GALNTL6: variants seen among roughly 807,000 people sequenced by gnomAD.
GALNTL6 encodes the protein polypeptide N-acetylgalactosaminyltransferase-like 6.
A neutral mutation model predicts 73.7 loss-of-function variants in GALNTL6; 46 were observed. The ratio of observed to expected loss-of-function variants is 0.62; its 90% confidence interval spans 0.49 to 0.80. The LOEUF is 0.80. GALNTL6 is among the 30% of genes least tolerant of loss of function. The pLI is 0.00. For missense variants in GALNTL6, 604 were observed against 755.0 expected, an observed-to-expected ratio of 0.80 and a Z score of 2.34; for synonymous variants, 259 against 263.7, an observed-to-expected ratio of 0.98 and a Z score of 0.17.
At chr4:172,163,597 G>T (rs185971869) in intron 2 of GALNTL6, among the ~76,000 whole-genome samples, 100 of 152,044 alleles carry the variant, frequency 6.6e-4, no homozygotes, top group Non-Finnish European at 1.2e-3. Flanking sequence ...TTGCATATTA[G>T]TTGCTTGTAT....
chr4:172,194,421 G>A (rs550136300), intron 2 of GALNTL6, among the ~76,000 whole-genome samples: 1 of 152,200 alleles, frequency 6.6e-6, no homozygotes, highest in South Asian at 2.1e-4. Flanking sequence ...TAGCATAACA[G>A]GACAACATTC....
intron 5 of GALNTL6, chr4:172,668,518 C>T (rs1731793408): frequency 1.3e-5 from 2 of 151,974 alleles, no homozygotes; most frequent in South Asian, 4.2e-4. Flanking sequence ...AATCACAGTC[C>T]TTTCATAATT....
At position 172,813,524 on chromosome 4, in the gene GALNTL6, T is replaced by C. The variant is rs1236935176; in HGVS notation, c.740-16T>C. The stretch of plus-strand genomic sequence containing the variant: ...GGCAGGCATGTCATTTCCTATTTTG[T>C]GCTTTCATTTTTCAGACCAAATTGC... On this transcript the variant is annotated splice_polypyrimidine_tract_variant and intron_variant, in intron 6 of 12. Coordinates refer to ENST00000506823, the MANE Select transcript of GALNTL6 (RefSeq NM_001034845.3). 1 of 1,583,380 alleles carries C rather than the reference T, an allele frequency of 6.3e-7. No individual in the cohort carries two copies. Among genetic ancestry groups the C allele is most frequent in the Non-Finnish European group, 8.6e-7 (1 of 1,156,400 alleles).
intron 5 of GALNTL6, among the ~76,000 whole-genome samples, chr4:172,544,158 G>C (rs565458416): frequency 6.6e-6 from 1 of 152,124 alleles, no homozygotes; most frequent in African/African-American, 2.4e-5. Context: ...CCAGATCCTG[G>C]TATAGGTTTT....
intron 3 of GALNTL6, among the ~76,000 whole-genome samples, chr4:172,247,958 A>C (rs1305783548): frequency 6.6e-6 from 1 of 152,158 alleles, no homozygotes; most frequent in Non-Finnish European, 1.5e-5. Context: ...ACCACTTTTA[A>C]CTACTGAAAA....
chr4:172,232,638 A>C (rs1579283264), intron 3 of GALNTL6, among the ~76,000 whole-genome samples: 1 of 152,124 alleles, frequency 6.6e-6, no homozygotes, highest in Non-Finnish European at 1.5e-5. Flanking sequence ...ATTTCATTTC[A>C]ATCAATAATG....
intron 8 of GALNTL6, among the ~76,000 whole-genome samples, chr4:172,897,751 G>C (rs1478962230): frequency 1.3e-5 from 2 of 152,198 alleles, no homozygotes; most frequent in Non-Finnish European, 2.9e-5. Context: ...TCTTCAGAGA[G>C]ACTTTTGACT....
chr4:171,839,918 C>A (rs924211539), intron 2 of GALNTL6, among the ~76,000 whole-genome samples: 1 of 152,054 alleles, frequency 6.6e-6, no homozygotes, highest in African/African-American at 2.4e-5. Context: ...TGTATCATAT[C>A]TTGACAGTTT....
chr4:173,009,015 CT>C (rs538237428), intron 10 of GALNTL6, among the ~76,000 whole-genome samples, 162 bp from the exon 11 acceptor site: 1,840 of 152,214 alleles, frequency 0.012, 20 homozygotes, highest in Non-Finnish European at 0.02. Context: ...CATTTAATTC[CT>C]TGATTTTTCT....
At chr4:172,639,919 A>G (rs1212953240) in intron 5 of GALNTL6, among the ~76,000 whole-genome samples, 2 of 152,056 alleles carry the variant, frequency 1.3e-5, no homozygotes, top group Non-Finnish European at 2.9e-5. Context: ...TTTTCTCTAT[A>G]TTAGATCATG....
intron 11 of GALNTL6, among the ~76,000 whole-genome samples, chr4:173,020,843 C>T (rs550224316): frequency 3.9e-5 from 6 of 152,162 alleles, no homozygotes; most frequent in African/African-American, 7.2e-5. Flanking sequence ...GAAGCCAAGG[C>T]GGGCAAATCA....
At chr4:172,192,285 G>A (rs57847445) in intron 2 of GALNTL6, among the ~76,000 whole-genome samples, 3,449 of 152,088 alleles carry the variant, frequency 0.023, 130 homozygotes, top group African/African-American at 0.077. Context: ...CAATGGTTTC[G>A]ATATGCAAAG....
At chr4:172,338,428 AT>A (rs1055095874) in intron 4 of GALNTL6, among the ~76,000 whole-genome samples, 2 of 150,428 alleles carry the variant, frequency 1.3e-5, no homozygotes, top group Non-Finnish European at 3.0e-5. Context: ...TGTGAATCGG[AT>A]TTTTTTTCTC....
At chr4:173,004,336 A>G (rs1310909561) in intron 10 of GALNTL6, among the ~76,000 whole-genome samples, 2 of 152,190 alleles carry the variant, frequency 1.3e-5, no homozygotes, top group Non-Finnish European at 2.9e-5. Context: ...AAAATCAACT[A>G]TAGTCCAGAG....
chr4:172,417,966 T>C (rs1013819072), intron 5 of GALNTL6, among the ~76,000 whole-genome samples: 1 of 152,190 alleles, frequency 6.6e-6, no homozygotes, highest in African/African-American at 2.4e-5. Context: ...TTTGTGCCAC[T>C]TTATAATACC....
At chr4:172,448,706 A>G (rs916889486) in intron 5 of GALNTL6, among the ~76,000 whole-genome samples, 2 of 152,154 alleles carry the variant, frequency 1.3e-5, no homozygotes, top group African/African-American at 4.8e-5. Flanking sequence ...AGAAATCTAG[A>G]ATCCATCTGA....
chr4:172,824,087 A>C (rs936468506), intron 7 of GALNTL6, among the ~76,000 whole-genome samples: 4 of 152,192 alleles, frequency 2.6e-5, no homozygotes, highest in Non-Finnish European at 5.9e-5. Context: ...TGTGTAGACT[A>C]TGCCCTTAGA....
chr4:172,013,562 T>C (rs1057257543), intron 2 of GALNTL6, among the ~76,000 whole-genome samples: 16 of 152,120 alleles, frequency 1.1e-4, no homozygotes, highest in African/African-American at 3.9e-4. Context: ...AAATCTTTTC[T>C]TTTTAATTTT....
At chr4:172,966,638 C>T (rs374012965) in intron 10 of GALNTL6, among the ~76,000 whole-genome samples, 77 of 152,216 alleles carry the variant, frequency 5.1e-4, no homozygotes, top group African/African-American at 1.7e-3. Context: ...GTGATCCACC[C>T]GCCTCGGCCT....
Sources: allele counts gnomAD v4.1 joint callset (sites outside exome capture counted in the v4.1 genomes callset), GRCh38; gene constraint gnomAD v4.1.1; transcripts MANE v1.5; gene names NCBI Gene and HGNC (gene_info 2026-07-23, HGNC 2026-07-21).